Variants in SLC39A10 observed in about 807,000 individuals in gnomAD.
SLC39A10 encodes zinc transporter ZIP10.
SLC39A10 carries 13 observed loss-of-function variants against 65.1 expected under a neutral mutation model. The observed-to-expected ratio is 0.20, with a 90% CI of 0.13 to 0.32. The LOEUF is 0.32. SLC39A10 is among the 10% of genes least tolerant of loss of function. The pLI is 1.00. For missense variants in SLC39A10, 831 were observed against 1,018.4 expected, an observed-to-expected ratio of 0.82 and a Z score of 2.50; for synonymous variants, 321 against 342.2, an observed-to-expected ratio of 0.94 and a Z score of 0.68.
At chr2:195,722,999 T>C (rs1309544860) in intron 8 of SLC39A10, among the ~76,000 whole-genome samples, 1 of 152,196 alleles carries the variant, frequency 6.6e-6, no homozygotes, top group East Asian at 1.9e-4. Context: ...TAGAGATTAA[T>C]GATGGTTACC....
upstream of SLC39A10, among the ~76,000 whole-genome samples, chr2:195,652,325 A>G (rs1381188342): frequency 6.6e-6 from 1 of 152,094 alleles, no homozygotes; most frequent in Non-Finnish European, 1.5e-5. Flanking sequence ...AGGCGGGTGA[A>G]TCACTTGAGG....
rs146305485 is a variant in SLC39A10, at chr2:195,737,482, A to AAACAAGTC, written c.*2442_*2443insACAAGTCA. ...GAATTTTTTCCATTAACAAACAAAC[A>AAACAAGTC]AGTCAGTGGCTTAAATGTGATTATG... On this transcript the variant is annotated 3_prime_UTR_variant, in exon 10 of 10. Coordinates refer to ENST00000359634, the MANE Select transcript of SLC39A10 (RefSeq NM_020342.3). 3.7e-5 allele frequency: 6 copies of AAACAAGTC among 161,258 alleles called. No individual in the cohort carries two copies. Among genetic ancestry groups the AAACAAGTC allele is most frequent in the African/African-American group, 1.2e-4 (5 of 41,598 alleles). 10.0% of individuals were successfully genotyped at this position (161,258 alleles called of 1,614,324 possible).
At chr2:195,667,341 T>A (rs1485262633) in intron 1 of SLC39A10, among the ~76,000 whole-genome samples, 1 of 152,234 alleles carries the variant, frequency 6.6e-6, no homozygotes, top group Admixed American at 6.5e-5. Flanking sequence ...TTGTGGTCCC[T>A]GCTGAGAACT....
At chr2:195,703,824 T>A (rs1171488538) in intron 3 of SLC39A10, among the ~76,000 whole-genome samples, 2 of 152,126 alleles carry the variant, frequency 1.3e-5, no homozygotes, top group Non-Finnish European at 2.9e-5. Context: ...CGGCTAATTT[T>A]TATATTTTTT....
intron 2 of SLC39A10, among the ~76,000 whole-genome samples, chr2:195,621,738 T>TA (rs1337514202): frequency 1.3e-5 from 2 of 152,344 alleles, no homozygotes; most frequent in Non-Finnish European, 1.5e-5. Flanking sequence ...AATAAATTTG[T>TA]AATAATTATA....
At position 195,638,514 on chromosome 2, in the gene SLC39A10, AT is replaced by A. The variant is rs1048211742; in HGVS notation, c.-12+32290del. 7.2e-3 allele frequency among the ~76,000 whole-genome samples: 1,075 copies of A among 149,344 alleles called. 10 individuals carry two copies. The highest frequency in any genetic ancestry group is 0.024 in the African/African-American group (988 of 40,608). On this transcript the variant is annotated intron_variant, in intron 2 of 2. Transcript: ENST00000458054. ...GCCACCACACTCGGCTAATTTTTGTATTTTTTTTTAGTAGAGATGGGGTTTC... is the reference window on the plus strand; with the variant it reads ...GCCACCACACTCGGCTAATTTTTGTATTTTTTTTAGTAGAGATGGGGTTTC...
intron 5 of SLC39A10, among the ~76,000 whole-genome samples, chr2:195,709,903 TGTA>T (rs994379697): frequency 3.9e-5 from 6 of 152,204 alleles, no homozygotes; most frequent in Non-Finnish European, 5.9e-5. Flanking sequence ...TGACTTTTAT[TGTA>T]GTATTTTTTA....
rs1291214860 is a variant in SLC39A10 at position 195,669,786 on chromosome 2, CCCAGGAGTTTGAGA to C, written c.-11-10241_-11-10228del. 2.6e-5 allele frequency among the ~76,000 whole-genome samples: 4 copies of C among 152,024 alleles called. No individual in the cohort carries two copies. In the East Asian group the frequency reaches 7.7e-4, roughly 29 times the overall value. On this transcript the variant is annotated intron_variant, in intron 1 of 9. Transcript: ENST00000359634. Reference sequence around the variant, plus strand: ...GCTGAGGTGGGGAGGATCCCTTGAGCCCAGGAGTTTGAGACCAGCATGGGCAACATAGTGAGAGC... The same window carrying C: ...GCTGAGGTGGGGAGGATCCCTTGAGCCCAGCATGGGCAACATAGTGAGAGC...
At chr2:195,677,437 G>A (rs1017387335) in intron 1 of SLC39A10, among the ~76,000 whole-genome samples, 2 of 152,140 alleles carry the variant, frequency 1.3e-5, no homozygotes, top group Non-Finnish European at 1.5e-5. Context: ...GGAAGGCTAA[G>A]GTGGGAAGAT....
At chr2:195,716,571 T>TGTCTTG in intron 6 of SLC39A10, 66 bp from the exon 7 acceptor site, 1 of 1,350,084 alleles carries the variant, frequency 7.4e-7, no homozygotes, top group Non-Finnish European at 1.0e-6. Context: ...ACTGCTATTC[T>TGTCTTG]GTTTAAATTA....
At chr2:195,635,395 A>G (rs1224715594) in intron 2 of SLC39A10, among the ~76,000 whole-genome samples, 2 of 152,196 alleles carry the variant, frequency 1.3e-5, no homozygotes, top group Non-Finnish European at 2.9e-5. Context: ...GAGCCCTGAG[A>G]TCCTTTCAGG....
chr2:195,709,357 A>T (rs185357586), intron 5 of SLC39A10, among the ~76,000 whole-genome samples: 1 of 152,070 alleles, frequency 6.6e-6, no homozygotes, highest in African/African-American at 2.4e-5. Context: ...TCGGCCTCCT[A>T]AGTGGGTAGG....
intron 5 of SLC39A10, among the ~76,000 whole-genome samples, chr2:195,712,461 T>A (rs1421833009): frequency 2.0e-5 from 3 of 152,234 alleles, no homozygotes; most frequent in Non-Finnish European, 4.4e-5. Context: ...CAAGCTTACT[T>A]ATGCAGCAGT....
At chr2:195,726,387 A>G (rs1692240088) in intron 8 of SLC39A10, among the ~76,000 whole-genome samples, 1 of 152,188 alleles carries the variant, frequency 6.6e-6, no homozygotes, top group South Asian at 2.1e-4. Context: ...TGTGTGATTT[A>G]TTGAAAACAA....
In SLC39A10 at chr2:195,680,623, A is replaced by G. The variant is rs1248736835; in HGVS notation, c.581A>G (p.His194Arg). 1 of 1,614,160 alleles carries G rather than the reference A, an allele frequency of 6.2e-7. No individual in the cohort carries two copies. The change falls in exon 2 of 10, where the codon CAC becomes CGC. Residue 194 changes from histidine (H) to arginine (R), a missense_variant. Transcript: ENST00000359634. ...CATCATCTTGATCATAACAACACTCACCATTTTCATAATGATTCCATTACT... is the reference window on the plus strand; with the variant it reads ...CATCATCTTGATCATAACAACACTCGCCATTTTCATAATGATTCCATTACT... ...LHHHLDHNNT[H>R]HFHNDSITPS... is the part of the protein sequence containing the mutation.
intron 3 of SLC39A10, among the ~76,000 whole-genome samples, chr2:195,695,457 T>C (rs1032044341): frequency 1.3e-5 from 2 of 152,020 alleles, no homozygotes; most frequent in African/African-American, 4.8e-5. Context: ...CTCCCACCAT[T>C]CCCCCGGAGA....
intron 2 of SLC39A10, among the ~76,000 whole-genome samples, chr2:195,641,546 C>T (rs759923539): frequency 5.3e-5 from 8 of 152,016 alleles, no homozygotes; most frequent in Non-Finnish European, 1.2e-4. Flanking sequence ...ATTAATGGGA[C>T]TTTTTATATT....
intron 8 of SLC39A10, among the ~76,000 whole-genome samples, chr2:195,724,223 AC>A (rs1211596385): frequency 1.3e-5 from 2 of 152,172 alleles, no homozygotes; most frequent in African/African-American, 4.8e-5. Flanking sequence ...CATTAGTTTA[AC>A]AGCTTTGGCA....
intron 2 of SLC39A10, among the ~76,000 whole-genome samples, chr2:195,649,897 T>A (rs2105712390): frequency 6.6e-6 from 1 of 152,264 alleles, no homozygotes; most frequent in Admixed American, 6.5e-5. Flanking sequence ...TTGTCTACAG[T>A]TTTTCTTCTT....
Sources: gnomAD v4.1 joint callset for allele counts (sites outside exome capture counted in the v4.1 genomes callset) on GRCh38, gnomAD v4.1.1 for gene constraint, MANE v1.5 for transcripts, NCBI Gene and HGNC (gene_info 2026-07-23, HGNC 2026-07-21) for gene names.